The following DPYD variants were observed in gnomAD, a reference collection of about 807,000 sequenced individuals.
DPYD encodes the protein dihydropyrimidine dehydrogenase [NADP(+)].
DPYD carries 109 observed loss-of-function variants against 116.2 expected under a neutral mutation model. The ratio of observed to expected loss-of-function variants is 0.94; its 90% CI spans 0.80 to 1.10. The LOEUF is 1.10. Ranked by LOEUF, DPYD falls within the 50% of genes least tolerant of loss-of-function variation. The pLI is 0.00. For synonymous variants in DPYD, 440 were observed against 432.0 expected (o/e 1.02, Z -0.23); for missense variants, 1,302 against 1,254.5 (o/e 1.04, Z -0.57).
chr1:97,557,062 G>GCACAA (rs1651784246), intron 11 of DPYD, among the ~76,000 whole-genome samples: 14 of 148,770 alleles, frequency 9.4e-5, no homozygotes, highest in Non-Finnish European at 6.0e-5. Context: ...CTGGTGTGAG[G>GCACAA]TGGTATCTCA....
chr1:97,387,198 T>C (rs1672396445), intron 14 of DPYD, among the ~76,000 whole-genome samples: 1 of 152,120 alleles, frequency 6.6e-6, no homozygotes, highest in Non-Finnish European at 1.5e-5. Flanking sequence ...TTGAACTTTG[T>C]CTTCCCCCAT....
At chr1:97,601,887 A>G (rs77530919) in intron 8 of DPYD, among the ~76,000 whole-genome samples, 1,990 of 152,150 alleles carry the variant, frequency 0.013, 22 homozygotes, top group Middle Eastern at 0.024. Context: ...ATGCATCACA[A>G]TAATATTCAT....
intron 2 of DPYD, among the ~76,000 whole-genome samples, chr1:97,838,043 T>C (rs1322849121): frequency 6.6e-6 from 1 of 152,184 alleles, no homozygotes; most frequent in African/African-American, 2.4e-5. Flanking sequence ...AAAGAATTTT[T>C]TGACTTTCAT....
intron 16 of DPYD, chr1:97,323,073 G>C (rs540492273): frequency 6.7e-6 from 1 of 150,188 alleles, no homozygotes; most frequent in South Asian, 2.1e-4. Flanking sequence ...AGTTGAACTT[G>C]GTTTTCCGAT....
intron 8 of DPYD, among the ~76,000 whole-genome samples, chr1:97,675,639 T>C (rs1660102273): frequency 6.6e-6 from 1 of 152,216 alleles, no homozygotes; most frequent in South Asian, 2.1e-4. Flanking sequence ...TATGTCATAG[T>C]TAATTAAAAA....
intron 1 of DPYD, among the ~76,000 whole-genome samples, chr1:97,908,284 A>G (rs1673745861): frequency 6.6e-6 from 1 of 151,908 alleles, no homozygotes; most frequent in Non-Finnish European, 1.5e-5. Context: ...GAGTTCAAAC[A>G]ATCCACACCA....
At chr1:97,880,613 G>A (rs929348610) in intron 2 of DPYD, among the ~76,000 whole-genome samples, 1 of 151,706 alleles carries the variant, frequency 6.6e-6, no homozygotes, top group Non-Finnish European at 1.5e-5. Context: ...TATAAATCGA[G>A]ATTACTATTT....
Position 97,515,766 on chromosome 1 carries a change from C to T in DPYD, c.1700G>A (p.Gly567Glu), listed in dbSNP as rs1188134745. ...AGTTTTGGTGAGGGCAAAACCCCAT[C>T]CAGCTTCAAAAGCTCTTCGAATCAT... ...TSMIRRAFEA[G>E]WGFALTKTFS... The change falls in exon 13 of 23, where the codon GGA (glycine) becomes GAA (glutamate). Residue 567 changes from glycine to glutamate, a missense_variant. By Grantham distance (98) the Gly-to-Glu change is moderately conservative. Transcript: ENST00000370192. 5 of 1,612,804 alleles carry T rather than the reference C, an allele frequency of 3.1e-6. No individual in the cohort carries two copies. The highest frequency in any genetic ancestry group is 4.2e-6 in the Non-Finnish European group (5 of 1,179,204).
At chr1:97,206,687 T>TATAA (rs539927395) in intron 19 of DPYD, among the ~76,000 whole-genome samples, 4,465 of 71,358 alleles carry the variant, frequency 0.063, 559 homozygotes, top group Non-Finnish European at 0.091. Context: ...TATATATATA[T>TATAA]AATCTATATG....
chr1:97,353,311 G>A (rs1670244920), intron 16 of DPYD, among the ~76,000 whole-genome samples: 1 of 152,108 alleles, frequency 6.6e-6, no homozygotes, highest in African/African-American at 2.4e-5. Flanking sequence ...CATTTGTAGA[G>A]GGGCAGGGCT....
At chr1:97,486,762 T>C (rs138087139) in intron 13 of DPYD, among the ~76,000 whole-genome samples, 1,822 of 152,192 alleles carry the variant, frequency 0.012, 43 homozygotes, top group African/African-American at 0.041. Context: ...ATTTATTATA[T>C]GGGTTTATAA....
At chr1:97,847,428 T>C (rs1157944907) in intron 2 of DPYD, among the ~76,000 whole-genome samples, 4 of 152,176 alleles carry the variant, frequency 2.6e-5, no homozygotes, top group Non-Finnish European at 5.9e-5. Context: ...AAAATCATTC[T>C]TTGAAAAAGG....
Position 97,546,966 on chromosome 1 carries a change from A to G in DPYD, c.1524+2594T>C. 3.1e-6 allele frequency: 5 copies of G among 1,606,094 alleles called. No homozygotes were observed. In the South Asian group the frequency reaches 5.5e-5, roughly 18 times the overall value. On this transcript the variant is annotated intron_variant, in intron 12 of 22. Coordinates refer to ENST00000370192, the MANE Select transcript of DPYD (RefSeq NM_000110.4). ...AGGAAGAGGAAGATGATGACTAAGCAGTACTCTGAATGGACCATAGTGTTT... is the reference window on the plus strand; with the variant it reads ...AGGAAGAGGAAGATGATGACTAAGCGGTACTCTGAATGGACCATAGTGTTT...
At chr1:97,618,846 G>A (rs1319258923) in intron 8 of DPYD, among the ~76,000 whole-genome samples, 1 of 152,122 alleles carries the variant, frequency 6.6e-6, no homozygotes, top group Non-Finnish European at 1.5e-5. Flanking sequence ...CTTGCCCATA[G>A]CTTAATATGG....
intron 19 of DPYD, among the ~76,000 whole-genome samples, chr1:97,228,142 G>GT (rs1661320415): frequency 6.8e-6 from 1 of 147,210 alleles, no homozygotes; most frequent in African/African-American, 2.6e-5. Context: ...ACAGACTTTA[G>GT]TTGTTTTTTT....
intron 14 of DPYD, among the ~76,000 whole-genome samples, chr1:97,407,653 G>C (rs1673740795): frequency 1.3e-5 from 2 of 152,154 alleles, no homozygotes; most frequent in Admixed American, 1.3e-4. Flanking sequence ...CCAGAAGGCT[G>C]TGTATGCTCT....
intron 20 of DPYD, among the ~76,000 whole-genome samples, chr1:97,192,123 GCTAT>G (rs1317509972): frequency 4.6e-5 from 7 of 151,554 alleles, no homozygotes; most frequent in African/African-American, 7.3e-5. Context: ...GTTTTTTTTG[GCTAT>G]CTATTAGGAG....
chr1:97,515,623 T>G, intron 13 of DPYD, 103 bp downstream of exon 13: 1 of 1,010,082 alleles, frequency 9.9e-7, no homozygotes, highest in South Asian at 1.5e-5. Flanking sequence ...TCAAATAGTT[T>G]AATAAGTAGT....
At chr1:97,654,570 A>G (rs1305436919) in intron 8 of DPYD, among the ~76,000 whole-genome samples, 2 of 152,140 alleles carry the variant, frequency 1.3e-5, no homozygotes, top group African/African-American at 2.4e-5. Flanking sequence ...ATCTTTCTGT[A>G]TAGAATCTCC....
Sources: allele counts gnomAD v4.1 joint callset (sites outside exome capture counted in the v4.1 genomes callset), GRCh38; gene constraint gnomAD v4.1.1; transcripts MANE v1.5; gene names NCBI Gene and HGNC (gene_info 2026-07-23, HGNC 2026-07-21).